The following STAG1 variants were observed in gnomAD, a reference collection of about 807,000 sequenced individuals.
STAG1 encodes STAG1 cohesin complex component.
Under a neutral mutation model 170.9 loss-of-function variants are expected in STAG1, and 26 were observed. That is an observed-to-expected ratio of 0.15 (90% CI 0.11 to 0.21). STAG1 has a LOEUF of 0.21. Ranked by LOEUF, STAG1 falls within the 10% of genes least tolerant of loss-of-function variation. The probability of loss-of-function intolerance (pLI) is 1.00; values close to 1 mark genes in which losing one functional copy is unlikely to be tolerated. For missense variants in STAG1, 964 were observed against 1,509.5 expected (o/e 0.64, Z 5.99); for synonymous variants, 514 against 497.7 (o/e 1.03, Z -0.44).
intron 7 of STAG1, among the ~76,000 whole-genome samples, chr3:136,516,267 T>C (rs749618516): frequency 3.3e-5 from 5 of 152,020 alleles, no homozygotes; most frequent in Non-Finnish European, 7.4e-5. Flanking sequence ...CCAGCACTTT[T>C]AGAGGCCATG....
At chr3:136,669,064 G>GC (rs1289670162) in intron 1 of STAG1, among the ~76,000 whole-genome samples, 1 of 152,114 alleles carries the variant, frequency 6.6e-6, no homozygotes, top group African/African-American at 2.4e-5. Flanking sequence ...TCCTTCAACC[G>GC]CAACAGCTCT....
chr3:136,502,970 A>C (rs1009714000), intron 7 of STAG1, among the ~76,000 whole-genome samples, 191 bp from the exon 8 acceptor site: 2 of 152,110 alleles, frequency 1.3e-5, no homozygotes, highest in Non-Finnish European at 2.9e-5. Context: ...AATTTTCTCT[A>C]CCTCAGCTTG....
At chr3:136,692,332 A>AG (rs1357065117) in intron 1 of STAG1, among the ~76,000 whole-genome samples, 43 of 147,994 alleles carry the variant, frequency 2.9e-4, no homozygotes, top group African/African-American at 1.1e-3. Flanking sequence ...AAAAAAAAAA[A>AG]AAAAAAAGTC....
At chr3:136,512,178 C>T (rs1016727162) in intron 7 of STAG1, among the ~76,000 whole-genome samples, 8 of 147,692 alleles carry the variant, frequency 5.4e-5, no homozygotes, top group Non-Finnish European at 1.2e-4. Context: ...TGTGATGGCA[C>T]ATGCCTGTAG....
chr3:136,521,734 T>A lies in STAG1; in HGVS notation c.472-317A>T, dbSNP rs551241842. ...AGGTAATCTGAAACAGTAAAAAAAA[T>A]TTTTTAAAGTTTAGACTAGAAAGGA... On this transcript the variant is annotated intron_variant, in intron 6 of 33. Coordinates refer to ENST00000383202, the MANE Select transcript of STAG1 (RefSeq NM_005862.3). Among the ~76,000 whole-genome samples the A allele has an allele frequency of 1.4e-3, 220 of 152,248 alleles. 1 individual carries two copies. The highest frequency in any genetic ancestry group is 2.4e-3 in the Non-Finnish European group (165 of 67,996).
intron 22 of STAG1, among the ~76,000 whole-genome samples, chr3:136,397,089 C>G (rs577728270): frequency 6.6e-6 from 1 of 152,312 alleles, no homozygotes; most frequent in East Asian, 1.9e-4. Context: ...AAATGCATTA[C>G]TCATCTTTAC....
intron 14 of STAG1, 40 bp downstream of exon 14, chr3:136,451,993 T>C (rs2088956091): frequency 3.9e-6 from 5 of 1,276,412 alleles, no homozygotes; most frequent in African/African-American, 1.5e-5. Context: ...AAATGTAATA[T>C]AATAAAAGAA....
At chr3:136,681,032 TA>T (rs1038532518) in intron 1 of STAG1, among the ~76,000 whole-genome samples, 3 of 152,162 alleles carry the variant, frequency 2.0e-5, no homozygotes, top group Admixed American at 2.0e-4. Context: ...TTATGATACC[TA>T]ATAAAACATA....
intron 7 of STAG1, chr3:136,517,895 A>G (rs1934463404): frequency 6.6e-6 from 1 of 152,130 alleles, no homozygotes; most frequent in South Asian, 2.1e-4. Flanking sequence ...GAAAATTCCA[A>G]CGAAGGGATT....
chr3:136,365,907 G>A (rs1436465157), intron 25 of STAG1, among the ~76,000 whole-genome samples: 1 of 151,432 alleles, frequency 6.6e-6, no homozygotes, highest in Non-Finnish European at 1.5e-5. Flanking sequence ...GCATATTTAT[G>A]CTGCTGTCTT....
intron 13 of STAG1, among the ~76,000 whole-genome samples, chr3:136,463,878 C>CAT (rs1175360899): frequency 6.9e-6 from 1 of 144,590 alleles, no homozygotes; most frequent in South Asian, 2.1e-4. Context: ...TACATACATA[C>CAT]ATATATACTT....
intron 5 of STAG1, among the ~76,000 whole-genome samples, chr3:136,543,925 T>C (rs1443211988): frequency 6.6e-6 from 1 of 152,140 alleles, no homozygotes; most frequent in Non-Finnish European, 1.5e-5. Context: ...ATCGTGCCCA[T>C]TTTGGAAGCA....
chr3:136,505,583 A>C (rs978465452), intron 7 of STAG1, among the ~76,000 whole-genome samples: 6 of 152,220 alleles, frequency 3.9e-5, no homozygotes, highest in Non-Finnish European at 8.8e-5. Flanking sequence ...TAGCTAAAGA[A>C]GCACTTATTT....
At chr3:136,659,094 T>C (rs745502931) in intron 1 of STAG1, among the ~76,000 whole-genome samples, 7 of 152,308 alleles carry the variant, frequency 4.6e-5, no homozygotes, top group Non-Finnish European at 8.8e-5. Context: ...TCACGCCTCA[T>C]TGTAATTAAC....
intron 21 of STAG1, among the ~76,000 whole-genome samples, chr3:136,415,871 C>T (rs899523606): frequency 6.6e-6 from 1 of 151,986 alleles, no homozygotes; most frequent in Non-Finnish European, 1.5e-5. Context: ...TCTGTATTTT[C>T]AACAGTATCT....
intron 5 of STAG1, among the ~76,000 whole-genome samples, chr3:136,550,726 T>A (rs1220804118): frequency 6.6e-6 from 1 of 152,108 alleles, no homozygotes; most frequent in African/African-American, 2.4e-5. Context: ...TCTCTTATGA[T>A]GTTTATTATT....
At chr3:136,366,832 C>T (rs944318640) in intron 25 of STAG1, 111 bp downstream of exon 25, 13 of 779,984 alleles carry the variant, frequency 1.7e-5, no homozygotes, top group Non-Finnish European at 2.5e-5. Flanking sequence ...ATAAAATCAT[C>T]CACATTACAT....
intron 1 of STAG1, among the ~76,000 whole-genome samples, chr3:136,713,957 G>A (rs1943453251): frequency 6.6e-6 from 1 of 152,078 alleles, no homozygotes; most frequent in African/African-American, 2.4e-5. Context: ...CCAGGAGGCA[G>A]AGGTTGCAGT....
intron 22 of STAG1, among the ~76,000 whole-genome samples, chr3:136,387,216 CTTAACTGTCAGTG>C (rs1308827970): frequency 6.6e-6 from 1 of 152,200 alleles, no homozygotes; most frequent in African/African-American, 2.4e-5. Context: ...GATCCAACTA[CTTAACTGTCAGTG>C]TAGCATGAAA....
Sources: allele counts gnomAD v4.1 joint callset (sites outside exome capture counted in the v4.1 genomes callset), GRCh38; gene constraint gnomAD v4.1.1; transcripts MANE v1.5; gene names NCBI Gene and HGNC (gene_info 2026-07-23, HGNC 2026-07-21).